The following AK9 variants were observed in gnomAD, a reference collection of about 807,000 sequenced individuals.
AK9 encodes adenylate kinase 9, also known as adenylate kinase domain containing 1.
In AK9, 191 loss-of-function variants were observed where a neutral mutation model predicts 239.6. The observed-to-expected ratio is 0.80, with a 90% CI of 0.71 to 0.90. AK9 has a LOEUF of 0.90. AK9 is among the 40% of genes least tolerant of loss of function. The pLI, the probability that AK9 is intolerant of heterozygous loss-of-function variation, is 0.00. For missense variants in AK9, 1,995 were observed against 2,214.7 expected, an observed-to-expected ratio of 0.90 and a Z score of 1.99; for synonymous variants, 689 against 721.0, an observed-to-expected ratio of 0.96 and a Z score of 0.71.
chr6:109,661,655 TAC>T (rs1422313521), intron 6 of AK9, among the ~76,000 whole-genome samples: 3 of 152,316 alleles, frequency 2.0e-5, no homozygotes, highest in Non-Finnish European at 4.4e-5. Context: ...GGCTGCAGAT[TAC>T]ACCACATTCA....
At chr6:109,620,456 T>C (rs1333084465) in intron 12 of AK9, among the ~76,000 whole-genome samples, 3 of 152,148 alleles carry the variant, frequency 2.0e-5, no homozygotes, top group African/African-American at 7.2e-5. Flanking sequence ...TTTAAGCATA[T>C]GTTCAGCTTT....
chr6:109,594,174 T>G (rs4591898), intron 17 of AK9, among the ~76,000 whole-genome samples: 88,578 of 152,006 alleles, frequency 0.58, 27,490 homozygotes, highest in East Asian at 0.84. Flanking sequence ...AAAGTCTCAG[T>G]ATACAAAATC....
intron 6 of AK9, 86 bp from the exon 7 acceptor site, chr6:109,659,499 C>T: frequency 3.5e-6 from 5 of 1,432,488 alleles, no homozygotes; most frequent in South Asian, 1.5e-5. Context: ...TTGTACAGTA[C>T]ATAAACCAAA....
Position 109,606,767 on chromosome 6 carries a change from C to T in AK9, c.1842+3598G>A, listed in dbSNP as rs549685845. On this transcript the variant is annotated intron_variant, in intron 17 of 40. Transcript: ENST00000424296. ...CTGCCTCTGCTTCCCTTGGGTGCTC[C>T]GTAGCCGGTCAAGGCAGAGAACAGG... Among the ~76,000 whole-genome samples, 12 of 152,252 alleles carry T rather than the reference C, an allele frequency of 7.9e-5. No homozygotes were observed. In the East Asian group the frequency reaches 1.5e-3, roughly 20 times the overall value.
At chr6:109,532,330 G>A (rs1269075195) in intron 28 of AK9, among the ~76,000 whole-genome samples, 2 of 152,118 alleles carry the variant, frequency 1.3e-5, no homozygotes, top group African/African-American at 2.4e-5. Flanking sequence ...TTGAGGCCAC[G>A]TGGAGTACCT....
At chr6:109,519,386 TCTTCAAA>T (rs1779601636) in intron 29 of AK9, among the ~76,000 whole-genome samples, 1 of 152,190 alleles carries the variant, frequency 6.6e-6, no homozygotes, top group Non-Finnish European at 1.5e-5. Context: ...ATCTGAGAAA[TCTTCAAA>T]CTGCCTTCCA....
chr6:109,672,078 T>C, intron 4 of AK9, 37 bp downstream of exon 4: 1 of 1,612,602 alleles, frequency 6.2e-7, no homozygotes, highest in South Asian at 1.1e-5. Context: ...GAGCTTTTTT[T>C]GTAATCATAG....
intron 5 of AK9, among the ~76,000 whole-genome samples, chr6:109,664,658 C>A (rs1053291948): frequency 6.6e-6 from 1 of 151,734 alleles, no homozygotes; most frequent in African/African-American, 2.4e-5. Flanking sequence ...CTCCCGATCT[C>A]GTGATCCGCC....
chr6:109,665,601 C>G (rs917559258), intron 5 of AK9, among the ~76,000 whole-genome samples: 1 of 152,166 alleles, frequency 6.6e-6, no homozygotes, highest in Non-Finnish European at 1.5e-5. Flanking sequence ...AGTATCTCCT[C>G]TGGGACACGA....
chr6:109,661,185 T>C (rs985505448), intron 6 of AK9, among the ~76,000 whole-genome samples: 6 of 152,196 alleles, frequency 3.9e-5, no homozygotes, highest in Non-Finnish European at 7.3e-5. Flanking sequence ...CTGGTTACCC[T>C]GTAGAAACTG....
intron 9 of AK9, chr6:109,644,356 A>T: frequency 3.0e-6 from 1 of 328,746 alleles, no homozygotes; most frequent in Non-Finnish European, 5.4e-6. Flanking sequence ...GCATCTTCTC[A>T]TGTGCTTTTG....
chr6:109,529,593 T>G (rs980569687), intron 28 of AK9, among the ~76,000 whole-genome samples: 2 of 152,122 alleles, frequency 1.3e-5, no homozygotes, highest in African/African-American at 2.4e-5. Context: ...CATTGTAATA[T>G]CCAAAGAAAT....
At chr6:109,681,844 T>C (rs1199143481) in intron 1 of AK9, among the ~76,000 whole-genome samples, 1 of 152,034 alleles carries the variant, frequency 6.6e-6, no homozygotes, top group Non-Finnish European at 1.5e-5. Flanking sequence ...GACTACTGGG[T>C]AAATAATGAA....
At chr6:109,678,474 C>T (rs908701390) in intron 1 of AK9, among the ~76,000 whole-genome samples, 1 of 152,138 alleles carries the variant, frequency 6.6e-6, no homozygotes, top group African/African-American at 2.4e-5. Flanking sequence ...GAAACGTTCT[C>T]TATCTTGACT....
rs193140958 is a variant in AK9 at position 109,579,506 on chromosome 6, A to G, written c.2191+44T>C. On this transcript the variant is annotated intron_variant, in intron 20 of 40. Transcript: ENST00000424296. ...TTGAAATACTGCAATTGCTTGCAGT[A>G]ACAATACCATGACACATCATCAGTC... 3.8e-5 allele frequency: 58 copies of G among 1,511,266 alleles called. No individual in the cohort carries two copies. The African/African-American group carries it at 7.4e-4, about 19-fold the overall frequency. The allele number at this position is 1,511,266 out of a possible 1,614,324, so 93.6% of individuals were successfully genotyped here.
At chr6:109,564,038 TCA>T in intron 23 of AK9, 40 bp downstream of exon 23, 2 of 1,502,370 alleles carry the variant, frequency 1.3e-6, no homozygotes, top group Non-Finnish European at 1.8e-6. Flanking sequence ...TCTAATACTA[TCA>T]CCTGCTGTTG....
chr6:109,623,027 T>A (rs1288377389), intron 12 of AK9, among the ~76,000 whole-genome samples: 1 of 152,192 alleles, frequency 6.6e-6, no homozygotes, highest in Non-Finnish European at 1.5e-5. Flanking sequence ...TCTCTGTTTT[T>A]TGGCATCTCT....
At chr6:109,497,359 CA>C in intron 38 of AK9, 105 bp downstream of exon 38, 4 of 641,130 alleles carry the variant, frequency 6.2e-6, no homozygotes, top group Non-Finnish European at 8.2e-6. Flanking sequence ...CACACACACA[CA>C]CACTCTCTCT....
In AK9 at chr6:109,516,503, TC is replaced by T. The variant is rs1467528279; in HGVS notation, c.3772del (p.Asp1258MetfsTer6). 7 of 1,551,728 alleles carry T rather than the reference TC, an allele frequency of 4.5e-6. No homozygotes were observed. Among genetic ancestry groups the T allele is most frequent in the Non-Finnish European group, 8.7e-7 (1 of 1,147,026 alleles). ...SGEEDEEQET[D>X]AIERLRGELG... Reference sequence around the variant, plus strand: ...TTCACCTCTCAGGCGCTCAATTGCATCAGTTTCCTGTTCTTCATCTTCCTCG... The same window carrying T: ...TTCACCTCTCAGGCGCTCAATTGCATAGTTTCCTGTTCTTCATCTTCCTCG... On this transcript the variant is annotated frameshift_variant, in exon 30 of 41. Coordinates refer to ENST00000424296, the MANE Select transcript of AK9 (RefSeq NM_001145128.3). LOFTEE classifies it high-confidence loss of function.
Sources: gnomAD v4.1 joint callset for allele counts (sites outside exome capture counted in the v4.1 genomes callset) on GRCh38, gnomAD v4.1.1 for gene constraint, MANE v1.5 for transcripts, NCBI Gene and HGNC (gene_info 2026-07-23, HGNC 2026-07-21) for gene names.